MACROD2: variants seen among roughly 807,000 people sequenced by gnomAD.
The protein encoded by MACROD2 is mono-ADP ribosylhydrolase 2.
A neutral mutation model predicts 70.4 loss-of-function variants in MACROD2; 36 were observed. The observed-to-expected ratio is 0.51, with a 90% CI of 0.39 to 0.68. The LOEUF (loss-of-function observed/expected upper bound fraction) is 0.68. Among genes scored for constraint, MACROD2 ranks in the 30% least tolerant of loss-of-function variants. The probability of loss-of-function intolerance (pLI) is 0.00; values close to 1 mark genes in which losing one functional copy is unlikely to be tolerated. For synonymous variants in MACROD2, 172 were observed against 178.8 expected (o/e 0.96, Z 0.30); for missense variants, 496 against 538.4 (o/e 0.92, Z 0.78).
At chr20:15,205,200 G>C (rs972337750) in intron 5 of MACROD2, among the ~76,000 whole-genome samples, 5 of 152,064 alleles carry the variant, frequency 3.3e-5, no homozygotes, top group African/African-American at 1.2e-4. Context: ...TGGCAAAGCT[G>C]GAATTTAAAC....
At chr20:14,131,757 C>A (rs945774198) in intron 3 of MACROD2, among the ~76,000 whole-genome samples, 1 of 152,044 alleles carries the variant, frequency 6.6e-6, no homozygotes, top group Non-Finnish European at 1.5e-5. Context: ...GAGACAGGAT[C>A]TCACTCTGTC....
chr20:15,631,172 G>A (rs1323415444), intron 8 of MACROD2, among the ~76,000 whole-genome samples: 3 of 152,198 alleles, frequency 2.0e-5, no homozygotes, highest in Non-Finnish European at 4.4e-5. Context: ...TCCACATGCG[G>A]GAGGGAAGAG....
chr20:14,534,582 GA>G (rs2085342536), intron 4 of MACROD2, among the ~76,000 whole-genome samples: 1 of 152,206 alleles, frequency 6.6e-6, no homozygotes, highest in African/African-American at 2.4e-5. Context: ...AGGGAATGGA[GA>G]TTGCTTTATG....
chr20:14,969,882 C>T (rs2074674730), intron 5 of MACROD2, among the ~76,000 whole-genome samples: 1 of 151,976 alleles, frequency 6.6e-6, no homozygotes, highest in Admixed American at 6.6e-5. Context: ...CTGTTAATAA[C>T]CATTAATGTT....
In MACROD2 at chr20:15,894,510, T is replaced by TA. The variant is rs1438931410; in HGVS notation, c.775+8700dup. Among the ~76,000 whole-genome samples the TA allele has an allele frequency of 2.6e-5, 4 of 152,162 alleles. No individual in the cohort carries two copies. In the East Asian group the frequency reaches 7.7e-4, roughly 29 times the overall value. On this transcript the variant is annotated intron_variant, in intron 10 of 17. Coordinates refer to ENST00000684519, the MANE Select transcript of MACROD2 (RefSeq NM_001351661.2). ...GCAGACCAGGAACACGCCTTCTCTG[T>TA]AGGCAGGTGGGTCTGAGAGAGACAC...
chr20:15,064,937 C>A (rs530074816), intron 5 of MACROD2, among the ~76,000 whole-genome samples: 3 of 152,326 alleles, frequency 2.0e-5, no homozygotes, highest in Admixed American at 2.0e-4. Context: ...CCAAATAGCA[C>A]ATCCTGTTCC....
intron 5 of MACROD2, among the ~76,000 whole-genome samples, chr20:14,829,338 G>A (rs1369707626): frequency 1.3e-5 from 2 of 151,586 alleles, no homozygotes; most frequent in African/African-American, 4.8e-5. Flanking sequence ...CACCATTTTA[G>A]CCAGGATGGT....
At chr20:15,886,571 A>G (rs2064825276) in intron 10 of MACROD2, among the ~76,000 whole-genome samples, 1 of 152,090 alleles carries the variant, frequency 6.6e-6, no homozygotes, top group African/African-American at 2.4e-5. Flanking sequence ...TCCACATACT[A>G]TATTTTGCTC....
chr20:14,322,089 A>G (rs2122550926), intron 3 of MACROD2, among the ~76,000 whole-genome samples: 1 of 146,744 alleles, frequency 6.8e-6, no homozygotes, highest in Admixed American at 6.9e-5. Context: ...TCTTATTAAT[A>G]TCATTTAGTT....
chr20:14,419,588 T>C (rs2083852877), intron 3 of MACROD2, among the ~76,000 whole-genome samples: 1 of 152,218 alleles, frequency 6.6e-6, no homozygotes, highest in African/African-American at 2.4e-5. Context: ...TATGTGTATT[T>C]AGACCTACCT....
At chr20:15,458,832 C>G (rs1382196233) in intron 7 of MACROD2, among the ~76,000 whole-genome samples, 3 of 151,996 alleles carry the variant, frequency 2.0e-5, no homozygotes, top group African/African-American at 7.2e-5. Context: ...CAGCATTGGG[C>G]AAATGCAGAG....
intron 8 of MACROD2, among the ~76,000 whole-genome samples, chr20:15,699,650 C>T (rs752708076): frequency 3.9e-5 from 6 of 152,150 alleles, no homozygotes; most frequent in Non-Finnish European, 7.4e-5. Context: ...TGAGACGGGC[C>T]TGAAAACTTG....
At chr20:15,902,281 A>G (rs1250027850) in intron 10 of MACROD2, among the ~76,000 whole-genome samples, 1 of 152,044 alleles carries the variant, frequency 6.6e-6, no homozygotes, top group African/African-American at 2.4e-5. Context: ...CCCTGAACAC[A>G]ATATAATATA....
At chr20:14,788,576 A>G (rs1157346134) in intron 5 of MACROD2, among the ~76,000 whole-genome samples, 2 of 78,238 alleles carry the variant, frequency 2.6e-5, no homozygotes, top group African/African-American at 1.1e-4. Flanking sequence ...GTGAGATCAC[A>G]TCTCAAAAAA....
intron 8 of MACROD2, among the ~76,000 whole-genome samples, chr20:15,855,983 A>G (rs1397297973): frequency 6.6e-6 from 1 of 152,202 alleles, no homozygotes; most frequent in African/African-American, 2.4e-5. Context: ...TGCTGCTATG[A>G]ACATTCTAGT....
chr20:15,192,014 GTATCTATC>G (rs71190179), intron 5 of MACROD2, among the ~76,000 whole-genome samples: 46,856 of 146,252 alleles, frequency 0.32, 7,664 homozygotes, highest in Middle Eastern at 0.36. Context: ...TATTAACTAT[GTATCTATC>G]TATCTATCTA....
chr20:15,358,445 T>A (rs76931055), intron 6 of MACROD2, among the ~76,000 whole-genome samples: 2 of 47,402 alleles, frequency 4.2e-5, no homozygotes, highest in Non-Finnish European at 1.1e-4. Context: ...GTTTTATCAA[T>A]TTTTTTTTTA....
At chr20:14,266,983 CA>C (rs1462683402) in intron 3 of MACROD2, among the ~76,000 whole-genome samples, 2 of 152,012 alleles carry the variant, frequency 1.3e-5, no homozygotes, top group African/African-American at 4.8e-5. Context: ...AGTTGAACTC[CA>C]AGTTCTTTTT....
chr20:14,954,652 A>G (rs2074505431), intron 5 of MACROD2, among the ~76,000 whole-genome samples: 1 of 129,384 alleles, frequency 7.7e-6, no homozygotes, highest in Non-Finnish European at 1.6e-5. Flanking sequence ...AATATATATA[A>G]TTTAGGTAAA....
Sources: allele counts gnomAD v4.1 joint callset (sites outside exome capture counted in the v4.1 genomes callset), GRCh38; gene constraint gnomAD v4.1.1; transcripts MANE v1.5; gene names NCBI Gene and HGNC (gene_info 2026-07-23, HGNC 2026-07-21).